The following ATP8A1 variants were observed in gnomAD, a reference collection of about 807,000 sequenced individuals.
ATP8A1 encodes the protein phospholipid-transporting ATPase IA.
ATP8A1 carries 90 observed loss-of-function variants against 177.7 expected under a neutral mutation model. The ratio of observed to expected loss-of-function variants is 0.51; its 90% CI spans 0.43 to 0.60. The LOEUF (loss-of-function observed/expected upper bound fraction) is 0.60. Among genes scored for constraint, ATP8A1 ranks in the 20% least tolerant of loss-of-function variants. The pLI is 0.00. For missense variants in ATP8A1, 1,072 were observed against 1,392.8 expected (o/e 0.77, Z 3.67); for synonymous variants, 493 against 485.9 (o/e 1.01, Z -0.19).
At chr4:42,612,481 T>G (rs1407443804) in intron 5 of ATP8A1, among the ~76,000 whole-genome samples, 1 of 149,114 alleles carries the variant, frequency 6.7e-6, no homozygotes. Context: ...GCCACAGTGC[T>G]CTGGGTGGAG....
At chr4:42,641,979 A>G (rs956115641) in intron 1 of ATP8A1, among the ~76,000 whole-genome samples, 3 of 150,776 alleles carry the variant, frequency 2.0e-5, no homozygotes, top group African/African-American at 7.4e-5. Flanking sequence ...GAGGAAAACA[A>G]CTCACCTTTG....
In ATP8A1 at chr4:42,543,952, G is replaced by T; in HGVS notation, c.1687C>A (p.Pro563Thr). 6.2e-7 allele frequency: 1 copy of T among 1,613,134 alleles called. No individual in the cohort carries two copies. Among genetic ancestry groups the T allele is most frequent in the Non-Finnish European group, 8.5e-7 (1 of 1,179,642 alleles). The change falls in exon 20 of 37, where the codon CCA (proline) becomes ACA (threonine). Residue 563 changes from proline (P) to threonine (T), a missense_variant. Transcript: ENST00000381668. ...CAGTAGAGTCGTAACTTTCCAGATG[G>T]AGTGCGAACAATCACTGACATTCTT... ...RKRMSVIVRT[P>T]SGKLRLYCKG...
At chr4:42,553,629 A>T (rs1417938548) in intron 16 of ATP8A1, among the ~76,000 whole-genome samples, 5 of 152,176 alleles carry the variant, frequency 3.3e-5, no homozygotes, top group Admixed American at 2.0e-4. Context: ...GGCAAAAAAA[A>T]AATAATAATG....
chr4:42,484,594 T>TAA (rs1392677831), intron 25 of ATP8A1, among the ~76,000 whole-genome samples: 4 of 152,148 alleles, frequency 2.6e-5, no homozygotes, highest in Non-Finnish European at 4.4e-5. Context: ...AAAAGAGGTA[T>TAA]AAAAAGCATA....
chr4:42,417,990 C>A lies in ATP8A1; in HGVS notation c.3306-3272G>T, dbSNP rs573044718. 2.0e-3 allele frequency among the ~76,000 whole-genome samples: 302 copies of A among 152,306 alleles called. 3 individuals are homozygous for A. The highest frequency in any genetic ancestry group is 7.1e-3 in the African/African-American group (295 of 41,568). On this transcript the variant is annotated intron_variant, in intron 35 of 36. Coordinates refer to ENST00000381668, the MANE Select transcript of ATP8A1 (RefSeq NM_006095.2). ...GGAAACATTTGACAGATCCCTGTGT[C>A]CTCAATCCCCACCAAAGTATTTAAG...
At position 42,522,249 on chromosome 4, in the gene ATP8A1, G is replaced by A. The variant is rs1022846322; in HGVS notation, c.1858C>T (p.Gln620Ter). The change falls in exon 22 of 37, where the codon CAG (glutamine) becomes TAG (stop). Residue 620 changes from glutamine to a stop codon, truncating the protein, a stop_gained. Transcript: ENST00000381668. LOFTEE classifies it high-confidence loss of function. ...AVAEISESDF[Q>*]EWRAVYQRAS... is the part of the protein sequence containing the mutation. ...CGCTGATAGACTGCTCGCCACTCCT[G>A]AAAGTCGCTCTCTGAAATCTCAGCC... 6.2e-7 allele frequency: 1 copy of A among 1,613,732 alleles called. No homozygotes were observed. Among genetic ancestry groups the A allele is most frequent in the Non-Finnish European group, 8.5e-7 (1 of 1,179,896 alleles).
At chr4:42,507,798 A>AAACACAAC (rs751600291) in intron 22 of ATP8A1, among the ~76,000 whole-genome samples, 1 of 124,656 alleles carries the variant, frequency 8.0e-6, no homozygotes, top group Non-Finnish European at 1.8e-5. Flanking sequence ...AAAAAAAAAA[A>AAACACAAC]AAAAAAAAAA....
chr4:42,471,954 C>T, intron 25 of ATP8A1: 1 of 686,736 alleles, frequency 1.5e-6, no homozygotes, highest in Non-Finnish European at 2.8e-6. Context: ...TTACAGCAGC[C>T]AAAGAGCCTA....
intron 1 of ATP8A1, among the ~76,000 whole-genome samples, chr4:42,641,756 T>C (rs926261041): frequency 3.3e-5 from 5 of 152,236 alleles, no homozygotes; most frequent in African/African-American, 1.2e-4. Flanking sequence ...GAAAGTTATC[T>C]GAATCATTAC....
intron 9 of ATP8A1, among the ~76,000 whole-genome samples, chr4:42,585,350 T>C (rs140415571): frequency 1.1e-4 from 16 of 151,760 alleles, no homozygotes; most frequent in Non-Finnish European, 1.6e-4. Context: ...ATTACCTTAC[T>C]GCAAGAAAGT....
rs540142866 is a variant in ATP8A1, at chr4:42,453,437, G to T, written c.2818-1378C>A. 3.3e-5 allele frequency among the ~76,000 whole-genome samples: 5 copies of T among 152,248 alleles called. No homozygotes were observed. The South Asian group carries it at 1.0e-3, about 32-fold the overall frequency. On this transcript the variant is annotated intron_variant, in intron 29 of 36. Transcript: ENST00000381668. ...ATAAAAACTATAAACACTCAAATGG[G>T]TATAGAAATTGTATAACCCATTTGG...
chr4:42,490,817 C>T (rs952404101), intron 24 of ATP8A1, among the ~76,000 whole-genome samples: 2 of 152,186 alleles, frequency 1.3e-5, no homozygotes, highest in Non-Finnish European at 2.9e-5. Context: ...ACATCAATAC[C>T]TCTATCTTTT....
intron 15 of ATP8A1, among the ~76,000 whole-genome samples, 189 bp downstream of exon 15, chr4:42,568,972 A>T (rs1323996585): frequency 6.6e-6 from 1 of 152,168 alleles, no homozygotes; most frequent in African/African-American, 2.4e-5. Context: ...ATGTTTCTCC[A>T]TCAAAAATCA....
intron 1 of ATP8A1, among the ~76,000 whole-genome samples, chr4:42,642,488 C>T (rs1412976208): frequency 1.3e-5 from 2 of 152,156 alleles, no homozygotes; most frequent in Non-Finnish European, 2.9e-5. Flanking sequence ...AAGAAGACGA[C>T]AGAAACCTCC....
chr4:42,524,033 G>C lies in ATP8A1; in HGVS notation c.1807+730C>G, dbSNP rs146615982. On this transcript the variant is annotated intron_variant, in intron 21 of 36. Coordinates refer to ENST00000381668, the MANE Select transcript of ATP8A1 (RefSeq NM_006095.2). ...AGTGAAAACTGAGACTGGAGATTTA[G>C]ATTCAGCTATAACTACCATTGTTAA... is the stretch of plus-strand genomic sequence containing the variant. Among the ~76,000 whole-genome samples, 555 of 152,224 alleles carry C rather than the reference G, an allele frequency of 3.6e-3. 1 individual carries two copies. Among genetic ancestry groups the C allele is most frequent in the African/African-American group, 0.013 (530 of 41,546 alleles).
intron 25 of ATP8A1, among the ~76,000 whole-genome samples, chr4:42,484,751 T>C (rs1722025507): frequency 6.6e-6 from 1 of 152,142 alleles, no homozygotes; most frequent in Non-Finnish European, 1.5e-5. Flanking sequence ...ATTTGAGAAA[T>C]TGCTACCCAG....
chr4:42,538,103 T>C (rs903096847), intron 20 of ATP8A1, among the ~76,000 whole-genome samples: 1 of 152,028 alleles, frequency 6.6e-6, no homozygotes, highest in Non-Finnish European at 1.5e-5. Flanking sequence ...AAGAACCCAG[T>C]AATAAAGTCA....
At chr4:42,472,233 G>C in intron 25 of ATP8A1, 1 of 582,956 alleles carries the variant, frequency 1.7e-6, no homozygotes, top group Non-Finnish European at 3.4e-6. Flanking sequence ...GAATCTGTGT[G>C]AAACTGGATG....
chr4:42,435,739 C>T (rs1715917344), intron 33 of ATP8A1, among the ~76,000 whole-genome samples: 1 of 152,186 alleles, frequency 6.6e-6, no homozygotes. Context: ...CCTGCTACTC[C>T]TTGAGCGTGA....
Sources: gnomAD v4.1 joint callset for allele counts (sites outside exome capture counted in the v4.1 genomes callset) on GRCh38, gnomAD v4.1.1 for gene constraint, MANE v1.5 for transcripts, NCBI Gene and HGNC (gene_info 2026-07-23, HGNC 2026-07-21) for gene names.